The following KDM3B variants were observed in gnomAD, a reference collection of about 807,000 sequenced individuals.
The protein encoded by KDM3B is lysine demethylase 3B, also known as lysine-specific demethylase 3B.
KDM3B carries 10 observed loss-of-function variants against 170.0 expected under a neutral mutation model. The observed-to-expected ratio is 0.06, with a 90% CI of 0.04 to 0.10. The LOEUF (loss-of-function observed/expected upper bound fraction) is 0.10, where lower values mean the gene tolerates loss of function less well. Ranked by LOEUF, KDM3B falls within the 10% of genes least tolerant of loss-of-function variation. KDM3B has a pLI of 1.00. For missense variants in KDM3B, 1,394 were observed against 2,195.2 expected (o/e 0.64, Z 7.29); for synonymous variants, 831 against 834.8 (o/e 1.00, Z 0.08).
chr5:138,407,542 A>G lies in KDM3B; in HGVS notation c.3199+7530A>G, dbSNP rs569622449. On this transcript the variant is annotated intron_variant, in intron 11 of 23. Coordinates refer to ENST00000314358, the MANE Select transcript of KDM3B (RefSeq NM_016604.4). Reference sequence around the variant, plus strand: ...GTGTCCAAAATTTTCCTGGCACGAGATGATGAACCTCAGGTATTTACCCCA... The same window carrying G: ...GTGTCCAAAATTTTCCTGGCACGAGGTGATGAACCTCAGGTATTTACCCCA... Among the ~76,000 whole-genome samples, 7 of 152,202 alleles carry G rather than the reference A, an allele frequency of 4.6e-5. No individual in the cohort carries two copies. The East Asian group carries it at 9.6e-4, about 21-fold the overall frequency.
At position 138,420,778 on chromosome 5, in the gene KDM3B, C is replaced by T; in HGVS notation, c.3788C>T (p.Thr1263Ile). ...TTTGGGCTGGACTCGTTCAACTCCA[C>T]TGCAAAGGTCTCTCCGCTGACTCCA... ...SPFGLDSFNS[T>I]AKVSPLTPKL... Residue 1263 changes from threonine to isoleucine, a missense_variant, in exon 15 of 24, where the codon ACT (threonine) becomes ATT (isoleucine). Physicochemically the swap from Thr to Ile is moderately conservative, Grantham distance 89 (BLOSUM62 -1). Around this residue, in one of 19 missense-constraint regions of KDM3B, gnomAD observed 137 missense variants for 166.9 expected, o/e 0.82. Transcript: ENST00000314358. 2 of 1,614,192 alleles carry T rather than the reference C, an allele frequency of 1.2e-6. No individual in the cohort carries two copies. Among genetic ancestry groups the T allele is most frequent in the Non-Finnish European group, 8.5e-7 (1 of 1,180,042 alleles).
intron 11 of KDM3B, among the ~76,000 whole-genome samples, chr5:138,406,926 A>G (rs1762837559): frequency 6.6e-6 from 1 of 151,992 alleles, no homozygotes; most frequent in East Asian, 1.9e-4. Flanking sequence ...ACCTCAATGC[A>G]GATCTTTTAG....
chr5:138,433,667 C>T (rs1428953159), intron 23 of KDM3B, among the ~76,000 whole-genome samples: 2 of 151,800 alleles, frequency 1.3e-5, no homozygotes, highest in African/African-American at 2.4e-5. Flanking sequence ...CCTCCACCTC[C>T]CAAAGCGCTG....
rs35535602 is a variant in KDM3B at position 138,359,465 on chromosome 5, C to CTT, written c.192+6500_192+6501dup. On this transcript the variant is annotated intron_variant, in intron 1 of 23. Transcript: ENST00000314358. ...GTGTGAGCCACCGTGCCCCCCCCACCTTTTTTTTTTTTTTTTTTTTTTTAA... is the reference window on the plus strand; with the variant it reads ...GTGTGAGCCACCGTGCCCCCCCCACCTTTTTTTTTTTTTTTTTTTTTTTTTAA... 1.0e-3 allele frequency among the ~76,000 whole-genome samples: 124 copies of CTT among 119,570 alleles called. 1 individual carries two copies. Among genetic ancestry groups the CTT allele is most frequent in the Non-Finnish European group, 1.5e-3 (84 of 57,448 alleles). The allele number at this position is 119,570 out of a possible 152,430, so 78.4% of individuals were successfully genotyped here.
intron 20 of KDM3B, among the ~76,000 whole-genome samples, 166 bp from the exon 21 acceptor site, chr5:138,429,660 T>A (rs547126992): frequency 1.3e-5 from 2 of 152,352 alleles, no homozygotes; most frequent in Admixed American, 6.5e-5. Context: ...TTTAATGTTG[T>A]TCTGTGTGTA....
chr5:138,415,767 T>A (rs1330582786), intron 12 of KDM3B, among the ~76,000 whole-genome samples: 1 of 152,062 alleles, frequency 6.6e-6, no homozygotes, highest in Non-Finnish European at 1.5e-5. Flanking sequence ...GATCTTTAGA[T>A]ATGTGTTAGT....
chr5:138,372,195 C>T (rs1039151853), intron 1 of KDM3B, among the ~76,000 whole-genome samples: 2 of 152,160 alleles, frequency 1.3e-5, no homozygotes, highest in Non-Finnish European at 2.9e-5. Flanking sequence ...GAATTTTTGC[C>T]ATATGCATAC....
Position 138,435,766 on chromosome 5 carries a change from G to T in KDM3B, c.*66G>T. 1 of 1,281,888 alleles carries T rather than the reference G, an allele frequency of 7.8e-7. No homozygotes were observed. The highest frequency in any genetic ancestry group is 1.1e-6 in the Non-Finnish European group (1 of 897,372). The allele number at this position is 1,281,888 out of a possible 1,614,324, so 79.4% of individuals were successfully genotyped here. A position where few individuals can be genotyped will look rare whatever the true frequency, so the allele number is the denominator to read the frequency against. ...CACTCACAACACTTAACAGGGAACG[G>T]CAGGGCTCTTTGCTGGAGCAGAGGC... On this transcript the variant is annotated 3_prime_UTR_variant, in exon 24 of 24. Coordinates refer to ENST00000314358, the MANE Select transcript of KDM3B (RefSeq NM_016604.4).
At chr5:138,375,899 A>T (rs927522128) in intron 3 of KDM3B, among the ~76,000 whole-genome samples, 3 of 146,492 alleles carry the variant, frequency 2.0e-5, no homozygotes, top group Non-Finnish European at 4.5e-5. Context: ...CTAGTCTCGA[A>T]CTCCTGACTT....
intron 9 of KDM3B, among the ~76,000 whole-genome samples, chr5:138,395,401 G>C (rs1179996201): frequency 1.3e-5 from 2 of 152,174 alleles, no homozygotes; most frequent in African/African-American, 4.8e-5. Flanking sequence ...AGGAAAACTA[G>C]GCAGTGAGGT....
In KDM3B at chr5:138,375,082, G is replaced by T. The variant is rs1271224179; in HGVS notation, c.361-11G>T. 1.4e-6 allele frequency: 2 copies of T among 1,438,534 alleles called. No individual in the cohort carries two copies. Among genetic ancestry groups the T allele is most frequent in the South Asian group, 1.1e-5 (1 of 87,080 alleles). 89.1% of individuals were successfully genotyped at this position (1,438,534 alleles called of 1,614,324 possible). A position where few individuals can be genotyped will look rare whatever the true frequency, so the allele number is the denominator to read the frequency against. ...AAGTTCTAATCAATTTCTTGTCATT[G>T]TACTTCACAGACTTTTACTCCCCTT... On this transcript the variant is annotated splice_polypyrimidine_tract_variant and intron_variant, in intron 2 of 23. Coordinates refer to ENST00000314358, the MANE Select transcript of KDM3B (RefSeq NM_016604.4).
intron 1 of KDM3B, among the ~76,000 whole-genome samples, chr5:138,353,299 C>T (rs947760658): frequency 3.3e-5 from 5 of 152,226 alleles, no homozygotes; most frequent in Non-Finnish European, 5.9e-5. Context: ...GGAGCAGGCT[C>T]TCGAATCTTG....
intron 6 of KDM3B, among the ~76,000 whole-genome samples, chr5:138,385,012 TTTTTG>T (rs553969638): frequency 2.0e-5 from 3 of 151,926 alleles, no homozygotes; most frequent in Non-Finnish European, 2.9e-5. Context: ...GCATAACAGT[TTTTTG>T]TTTTGTTTTG....
At chr5:138,387,557 G>A (rs1277203891) in intron 7 of KDM3B, among the ~76,000 whole-genome samples, 1 of 152,132 alleles carries the variant, frequency 6.6e-6, no homozygotes, top group Non-Finnish European at 1.5e-5. Flanking sequence ...GACAAAACAT[G>A]ACAAACGTGA....
Position 138,416,602 on chromosome 5 carries a change from A to C in KDM3B, c.3308-881A>C, listed in dbSNP as rs1304894599. ...AGACTCTGTCTCAAAAAAAAAAAAA[A>C]AAAAAAAACATAACAAAAAACCAAA... On this transcript the variant is annotated intron_variant, in intron 12 of 23. Coordinates refer to ENST00000314358, the MANE Select transcript of KDM3B (RefSeq NM_016604.4). 3.7e-3 allele frequency among the ~76,000 whole-genome samples: 559 copies of C among 151,504 alleles called. 1 individual carries two copies. Among genetic ancestry groups the C allele is most frequent in the African/African-American group, 0.013 (536 of 41,362 alleles).
chr5:138,430,457 G>A (rs1163580701), intron 22 of KDM3B, 32 bp downstream of exon 22: 6 of 1,584,392 alleles, frequency 3.8e-6, no homozygotes, highest in Non-Finnish European at 5.2e-6. Flanking sequence ...GGGCTGAACA[G>A]TTCCATGGGC....
Position 138,431,683 on chromosome 5 carries a change from G to T in KDM3B, c.5205+124G>T, listed in dbSNP as rs574524215. 11 of 900,040 alleles carry T rather than the reference G, an allele frequency of 1.2e-5. No individual in the cohort carries two copies. In the East Asian group the frequency reaches 2.9e-4, roughly 24 times the overall value. The allele number at this position is 900,040 out of a possible 1,614,324, so 55.8% of individuals were successfully genotyped here. ...GGTCTAATTGTGGAGGAGAAATGATGCAGGGAAGAAGTTTGGGGATATGGA... is the reference window on the plus strand; with the variant it reads ...GGTCTAATTGTGGAGGAGAAATGATTCAGGGAAGAAGTTTGGGGATATGGA... On this transcript the variant is annotated intron_variant, in intron 23 of 23. Coordinates refer to ENST00000314358, the MANE Select transcript of KDM3B (RefSeq NM_016604.4).
intron 11 of KDM3B, among the ~76,000 whole-genome samples, chr5:138,412,305 C>T (rs1327893583): frequency 1.3e-5 from 2 of 151,368 alleles, no homozygotes; most frequent in South Asian, 2.1e-4. Context: ...CACTGCACTC[C>T]AGCCTGGGCA....
intron 11 of KDM3B, among the ~76,000 whole-genome samples, chr5:138,403,474 G>A (rs1379598533): frequency 6.6e-6 from 1 of 151,716 alleles, no homozygotes; most frequent in East Asian, 1.9e-4. Context: ...TCAGGAGTTT[G>A]AGACCAGCCT....
Sources: allele counts gnomAD v4.1 joint callset (sites outside exome capture counted in the v4.1 genomes callset), GRCh38; gene constraint gnomAD v4.1.1; regional missense constraint gnomAD v4.1.1; transcripts MANE v1.5; gene names NCBI Gene and HGNC (gene_info 2026-07-23, HGNC 2026-07-21).